The following HS3ST3A1 variants were observed in gnomAD, a reference collection of about 807,000 sequenced individuals.
HS3ST3A1 encodes heparan sulfate glucosamine 3-O-sulfotransferase 3A1.
A neutral mutation model predicts 25.7 loss-of-function variants in HS3ST3A1; 19 were observed. The ratio of observed to expected loss-of-function variants is 0.74; its 90% CI spans 0.52 to 1.08. The LOEUF is 1.08. Ranked by LOEUF, HS3ST3A1 falls within the 50% of genes least tolerant of loss-of-function variation. The pLI, the probability that HS3ST3A1 is intolerant of heterozygous loss-of-function variation, is 0.00. For synonymous variants in HS3ST3A1, 226 were observed against 278.6 expected (o/e 0.81, Z 1.88); for missense variants, 459 against 594.3 (o/e 0.77, Z 2.37).
intron 1 of HS3ST3A1, among the ~76,000 whole-genome samples, chr17:13,556,711 G>A (rs923159003): frequency 6.6e-6 from 1 of 151,634 alleles, no homozygotes; most frequent in African/African-American, 2.4e-5. Context: ...AATTAGTCAG[G>A]CGTGGTGACA....
At chr17:13,596,083 T>TTAAA (rs929451446) in intron 1 of HS3ST3A1, among the ~76,000 whole-genome samples, 3 of 152,154 alleles carry the variant, frequency 2.0e-5, no homozygotes, top group Non-Finnish European at 4.4e-5. Flanking sequence ...GGTATTTTCT[T>TTAAA]TTTAAAGAGC....
chr17:13,589,328 G>A (rs560356980), intron 1 of HS3ST3A1, among the ~76,000 whole-genome samples: 2 of 152,208 alleles, frequency 1.3e-5, no homozygotes, highest in South Asian at 2.1e-4. Flanking sequence ...GCCACCCTTC[G>A]CCAACAGGGC....
intron 1 of HS3ST3A1, among the ~76,000 whole-genome samples, chr17:13,540,466 G>A (rs1184784482): frequency 1.3e-5 from 2 of 152,102 alleles, no homozygotes. Context: ...CTTCAACATT[G>A]TATGATTTGA....
At chr17:13,555,805 A>G (rs185485086) in intron 1 of HS3ST3A1, 12 of 152,352 alleles carry the variant, frequency 7.9e-5, no homozygotes, top group Middle Eastern at 3.4e-3. Context: ...TGCAAAAGTC[A>G]ACCCCAGATG....
intron 1 of HS3ST3A1, among the ~76,000 whole-genome samples, chr17:13,537,447 G>T (rs1456974230): frequency 6.6e-6 from 1 of 152,068 alleles, no homozygotes; most frequent in African/African-American, 2.4e-5. Context: ...AGGCTCCGGG[G>T]GCCGCCTCCC....
intron 1 of HS3ST3A1, among the ~76,000 whole-genome samples, chr17:13,513,176 C>T (rs1343624568): frequency 2.6e-5 from 4 of 152,220 alleles, no homozygotes; most frequent in Admixed American, 1.3e-4. Flanking sequence ...CTGTCCATTC[C>T]AAAAAAGCCT....
chr17:13,551,911 T>C (rs1907256757), intron 1 of HS3ST3A1, among the ~76,000 whole-genome samples: 1 of 152,208 alleles, frequency 6.6e-6, no homozygotes, highest in East Asian at 1.9e-4. Flanking sequence ...GATCTGAGTC[T>C]ACTCTATCTA....
chr17:13,568,087 C>A (rs1352649361), intron 1 of HS3ST3A1, among the ~76,000 whole-genome samples: 4 of 152,170 alleles, frequency 2.6e-5, no homozygotes, highest in African/African-American at 9.7e-5. Flanking sequence ...GCCACAACCA[C>A]CCCAGTCTTC....
chr17:13,520,171 G>T (rs961434051), intron 1 of HS3ST3A1, among the ~76,000 whole-genome samples: 4 of 152,096 alleles, frequency 2.6e-5, no homozygotes, highest in Admixed American at 6.6e-5. Context: ...GCTGGTAAAG[G>T]TTCAATAAAG....
At chr17:13,557,015 G>C (rs1746853622) in intron 1 of HS3ST3A1, among the ~76,000 whole-genome samples, 1 of 152,180 alleles carries the variant, frequency 6.6e-6, no homozygotes, top group South Asian at 2.1e-4. Flanking sequence ...GTTCGACACA[G>C]TCAAATTGTA....
chr17:13,575,040 T>TCA (rs1057335269), intron 1 of HS3ST3A1, among the ~76,000 whole-genome samples: 1 of 151,200 alleles, frequency 6.6e-6, no homozygotes, highest in Non-Finnish European at 1.5e-5. Flanking sequence ...TTTCTCAGTC[T>TCA]CTCTGTTTAT....
rs1275959491 is a variant in HS3ST3A1 at position 13,496,915 on chromosome 17, C to G, written c.600-97G>C. On this transcript the variant is annotated intron_variant, in intron 1 of 1. Coordinates refer to ENST00000284110, the MANE Select transcript of HS3ST3A1 (RefSeq NM_006042.3). ...CGCTGGAGCCAGGCCGCAATTCCAG[C>G]CCCCGCAACCCCCCACTTGCTAGAC... is the stretch of plus-strand genomic sequence containing the variant. 7 of 1,480,410 alleles carry G rather than the reference C, an allele frequency of 4.7e-6. No homozygotes were observed. The East Asian group carries it at 1.6e-4, about 34-fold the overall frequency. The allele number at this position is 1,480,410 out of a possible 1,614,324, so 91.7% of individuals were successfully genotyped here.
chr17:13,549,430 T>A (rs1433105107), intron 1 of HS3ST3A1, among the ~76,000 whole-genome samples: 12 of 152,210 alleles, frequency 7.9e-5, no homozygotes, highest in Non-Finnish European at 1.8e-4. Context: ...GGACACAATG[T>A]CATCTACCCA....
intron 1 of HS3ST3A1, among the ~76,000 whole-genome samples, chr17:13,543,154 T>C (rs1906983451): frequency 6.6e-6 from 1 of 152,194 alleles, no homozygotes; most frequent in African/African-American, 2.4e-5. Flanking sequence ...TGAGCCACTC[T>C]AGCAAATTAA....
chr17:13,521,885 G>A (rs1169266363), intron 1 of HS3ST3A1, among the ~76,000 whole-genome samples: 1 of 151,992 alleles, frequency 6.6e-6, no homozygotes, highest in Non-Finnish European at 1.5e-5. Context: ...CTTTGTTTGG[G>A]GGCTGTTCTA....
Position 13,600,633 on chromosome 17 carries a change from C to T in HS3ST3A1, c.497G>A (p.Arg166Gln), listed in dbSNP as rs762765643. ...IIIGVKKGGT[R>Q]ALLEFLRVHP... ...CACGCGCAGGAACTCCAGCAGCGCC[C>T]GCGTGCCGCCCTTCTTCACTCCGAT... The change falls in exon 1 of 2, where the codon CGG becomes CAG. Residue 166 changes from arginine to glutamine, a missense_variant. Arg to Gln is a conservative substitution (Grantham distance 43). Transcript: ENST00000284110. 8 of 1,595,498 alleles carry T rather than the reference C, an allele frequency of 5.0e-6. No homozygotes were observed. Among genetic ancestry groups the T allele is most frequent in the East Asian group, 2.3e-5 (1 of 44,438 alleles).
intron 1 of HS3ST3A1, among the ~76,000 whole-genome samples, chr17:13,589,864 T>C (rs1049481407): frequency 3.9e-5 from 6 of 152,168 alleles, no homozygotes; most frequent in Non-Finnish European, 8.8e-5. Flanking sequence ...CTTAATCCAG[T>C]TCCCTTTTGT....
intron 1 of HS3ST3A1, among the ~76,000 whole-genome samples, chr17:13,532,527 G>A (rs537719148): frequency 4.6e-5 from 7 of 152,158 alleles, no homozygotes; most frequent in African/African-American, 1.4e-4. Flanking sequence ...AGGCAATATC[G>A]TGAGGAAATG....
chr17:13,497,354 A>G (rs377406895), intron 1 of HS3ST3A1, among the ~76,000 whole-genome samples: 3 of 152,240 alleles, frequency 2.0e-5, no homozygotes, highest in Non-Finnish European at 4.4e-5. Flanking sequence ...CTTATTAAAG[A>G]ATCCATCTTT....
Sources: allele counts gnomAD v4.1 joint callset (sites outside exome capture counted in the v4.1 genomes callset), GRCh38; gene constraint gnomAD v4.1.1; transcripts MANE v1.5; gene names NCBI Gene and HGNC (gene_info 2026-07-23, HGNC 2026-07-21).